Variants in SHLD3 observed in about 807,000 individuals in gnomAD.
The protein encoded by SHLD3 is shieldin complex subunit 3.
Under a neutral mutation model 21.4 loss-of-function variants are expected in SHLD3, and 15 were observed. The ratio of observed to expected loss-of-function variants is 0.70; its 90% confidence interval spans 0.47 to 1.08. The LOEUF is 1.08. SHLD3 is among the 50% of genes least tolerant of loss of function. The probability of loss-of-function intolerance (pLI) is 0.00; values close to 1 mark genes in which losing one functional copy is unlikely to be tolerated. For missense variants in SHLD3, 273 were observed against 286.1 expected, an observed-to-expected ratio of 0.95 and a Z score of 0.33; for synonymous variants, 103 against 97.2, an observed-to-expected ratio of 1.06 and a Z score of -0.35.
Position 65,630,229 on chromosome 5 carries a change from C to G in SHLD3, c.642C>G (p.Phe214Leu), listed in dbSNP as rs984081491. The G allele has an allele frequency of 6.5e-7, 1 of 1,535,774 alleles. No individual in the cohort carries two copies. The highest frequency in any genetic ancestry group is 1.4e-5 in the African/African-American group (1 of 73,098). ...IQRHLGQIWV[F>L]CDIMYCEYVG... ...GGCATTTAGGCCAAATATGGGTGTT[C>G]TGTGATATTATGTATTGTGAATATG... Residue 214 changes from phenylalanine to leucine, a missense_variant, in exon 2 of 2, where the codon TTC becomes TTG. By Grantham distance (22) the Phe-to-Leu change is conservative (BLOSUM62 0). Coordinates refer to ENST00000510585, the MANE Select transcript of SHLD3 (RefSeq NM_001365341.2).
rs1561760331 is a variant in SHLD3 at position 65,628,637 on chromosome 5, A to AT, written c.-120-825dup. ...CAGGCACACGCCACCACAGCCGGCT[A>AT]TTTTTTGTATCTTTAGTAGAGCCGG... On this transcript the variant is annotated intron_variant, in intron 1 of 1. Transcript: ENST00000510585. 3.3e-5 allele frequency among the ~76,000 whole-genome samples: 5 copies of AT among 151,586 alleles called. No individual in the cohort carries two copies. The South Asian group carries it at 6.2e-4, about 19-fold the overall frequency.
intron 1 of SHLD3, among the ~76,000 whole-genome samples, chr5:65,628,601 A>G (rs1454190209): frequency 1.3e-5 from 2 of 151,726 alleles, no homozygotes; most frequent in Non-Finnish European, 2.9e-5. Context: ...CCTCCTGAGT[A>G]GCTGGGATTA....
At position 65,630,662 on chromosome 5, in the gene SHLD3, C is replaced by T. The variant is rs1755507281; in HGVS notation, c.*322C>T. 9.9e-7 allele frequency: 1 copy of T among 1,009,110 alleles called. No individual in the cohort carries two copies. The highest frequency in any genetic ancestry group is 5.5e-5 in the Admixed American group (1 of 18,340). 62.5% of individuals were successfully genotyped at this position (1,009,110 alleles called of 1,614,324 possible). On this transcript the variant is annotated 3_prime_UTR_variant, in exon 2 of 2. Transcript: ENST00000510585. ...TAATTTTACTGTATTTTTTTCCTTA[C>T]CTCAAGTGTAATTTTTTAAAAAATA... is the stretch of plus-strand genomic sequence containing the variant.
chr5:65,630,572 A>G lies in SHLD3; in HGVS notation c.*232A>G, dbSNP rs577667641. On this transcript the variant is annotated 3_prime_UTR_variant, in exon 2 of 2. Transcript: ENST00000510585. ...AAAAATGTTCTGTTCCTTTTGTTAC[A>G]AACTGTGATTGAATTAGTCATGAAT... The G allele has an allele frequency of 1.0e-5, 12 of 1,177,172 alleles. No homozygotes were observed. The East Asian group carries it at 4.9e-4, about 48-fold the overall frequency. The allele number at this position is 1,177,172 out of a possible 1,614,324, so 72.9% of individuals were successfully genotyped here.
intron 1 of SHLD3, 92 bp downstream of exon 1, chr5:65,625,198 A>C (rs1755152396): frequency 1.9e-6 from 2 of 1,073,934 alleles, no homozygotes; most frequent in South Asian, 2.5e-5. Flanking sequence ...TCCTTCTTAA[A>C]CACTCAGTGC....
In SHLD3 at chr5:65,629,663, G is replaced by A. The variant is rs1755439454; in HGVS notation, c.76G>A (p.Ala26Thr). The change falls in exon 2 of 2, where the codon GCA (alanine) becomes ACA (threonine). Residue 26 changes from alanine (A) to threonine (T), a missense_variant. Transcript: ENST00000510585. The stretch of plus-strand genomic sequence containing the variant: ...ACAACTGCCAAAAATTGCAGAAAAA[G>A]CAATTCAAGACTTTCCTACTCGTCC... The part of the protein sequence containing the change: ...PTQLPKIAEK[A>T]IQDFPTRPLS... 10 of 1,535,956 alleles carry A rather than the reference G, an allele frequency of 6.5e-6. No homozygotes were observed. The highest frequency in any genetic ancestry group is 7.8e-6 in the Non-Finnish European group (9 of 1,146,872).
In SHLD3 at chr5:65,630,110, A is replaced by G. The variant is rs1289674535; in HGVS notation, c.523A>G (p.Ile175Val). 4.6e-6 allele frequency: 7 copies of G among 1,535,958 alleles called. No homozygotes were observed. Among genetic ancestry groups the G allele is most frequent in the African/African-American group, 1.4e-5 (1 of 73,052 alleles). The change falls in exon 2 of 2, where the codon ATT (isoleucine) becomes GTT (valine). Residue 175 changes from isoleucine (I) to valine (V), a missense_variant. Physicochemically the swap from Ile to Val is conservative, Grantham distance 29. Transcript: ENST00000510585. ...AGCAAGATGGACAATAGAACACACTATTTGTAACAGCCAAACTCTGGAAGA... is the reference window on the plus strand; with the variant it reads ...AGCAAGATGGACAATAGAACACACTGTTTGTAACAGCCAAACTCTGGAAGA... ...YRARWTIEHT[I>V]CNSQTLEDIW... is the part of the protein sequence containing the mutation.
chr5:65,628,749 G>A (rs1755374392), intron 1 of SHLD3, among the ~76,000 whole-genome samples: 1 of 151,870 alleles, frequency 6.6e-6, no homozygotes, highest in South Asian at 2.1e-4. Flanking sequence ...GGGATTACAG[G>A]CATGAGCCAC....
Position 65,630,369 on chromosome 5 carries a change from T to C in SHLD3, c.*29T>C, listed in dbSNP as rs1006243257. 6 of 1,457,510 alleles carry C rather than the reference T, an allele frequency of 4.1e-6. No individual in the cohort carries two copies. The African/African-American group carries it at 7.1e-5, about 17-fold the overall frequency. The allele number at this position is 1,457,510 out of a possible 1,614,324, so 90.3% of individuals were successfully genotyped here. On this transcript the variant is annotated 3_prime_UTR_variant, in exon 2 of 2. Transcript: ENST00000510585. ...ATTCCACTGATTGTCAAAAAGAATA[T>C]TCTGAATGAAATGAATATGGATTGA...
chr5:65,626,984 A>G (rs1581202387), intron 1 of SHLD3, among the ~76,000 whole-genome samples: 1 of 151,860 alleles, frequency 6.6e-6, no homozygotes, highest in East Asian at 2.0e-4. Context: ...TACCAAAAAT[A>G]CAAAAATTAG....
rs867194204 is a variant in SHLD3 at position 65,625,080 on chromosome 5, AACAGGAGC to A, written c.-144_-137del. 1 of 1,613,794 alleles carries A rather than the reference AACAGGAGC, an allele frequency of 6.2e-7. No homozygotes were observed. Among genetic ancestry groups the A allele is most frequent in the Non-Finnish European group, 8.5e-7 (1 of 1,179,754 alleles). ...GTCAAAATGGAAGTGAATCCCCCTA[AACAGGAGC>A]ACCTGCTGGCGCTAAAAGGTAAACT... On this transcript the variant is annotated 5_prime_UTR_variant, in exon 1 of 2. The change abolishes the stop of an existing upstream ORF in the 5' untranslated region. Coordinates refer to ENST00000510585, the MANE Select transcript of SHLD3 (RefSeq NM_001365341.2).
At chr5:65,628,408 A>G (rs948777701) in intron 1 of SHLD3, among the ~76,000 whole-genome samples, 1 of 152,104 alleles carries the variant, frequency 6.6e-6, no homozygotes, top group Non-Finnish European at 1.5e-5. Context: ...ACAGAGAATG[A>G]CGTGAAATCA....
rs539051794 is a variant in SHLD3, at chr5:65,630,604, G to T, written c.*264G>T. 1.1e-4 allele frequency: 119 copies of T among 1,088,240 alleles called. 2 individuals are homozygous for T. In the South Asian group the frequency reaches 4.0e-3, roughly 37 times the overall value. 67.4% of individuals were successfully genotyped at this position (1,088,240 alleles called of 1,614,324 possible). A position where few individuals can be genotyped will look rare whatever the true frequency, so the allele number is the denominator to read the frequency against. ...GATTGAATTAGTCATGAATTAAGTT[G>T]TATAGTTTGGATTTTGGTTAATCTC... On this transcript the variant is annotated 3_prime_UTR_variant, in exon 2 of 2. Coordinates refer to ENST00000510585, the MANE Select transcript of SHLD3 (RefSeq NM_001365341.2).
intron 1 of SHLD3, among the ~76,000 whole-genome samples, chr5:65,628,150 T>C (rs761418123): frequency 5.3e-5 from 8 of 152,212 alleles, no homozygotes; most frequent in Non-Finnish European, 1.0e-4. Flanking sequence ...CTATGCACCA[T>C]ATGCTGGAAT....
intron 1 of SHLD3, 26 bp from the exon 2 acceptor site, chr5:65,629,442 T>G (rs1755423402): frequency 1.4e-6 from 2 of 1,398,150 alleles, no homozygotes; most frequent in Non-Finnish European, 1.9e-6. Flanking sequence ...TACCATATCT[T>G]ATTCTTTGCA....
Position 65,630,759 on chromosome 5 carries a change from A to G in SHLD3, c.*419A>G, listed in dbSNP as rs55920739. 1,333 of 767,978 alleles carry G rather than the reference A, an allele frequency of 1.7e-3. 11 individuals carry two copies. The African/African-American group carries it at 0.021, about 12-fold the overall frequency. 47.6% of individuals were successfully genotyped at this position (767,978 alleles called of 1,614,324 possible). A position where few individuals can be genotyped will look rare whatever the true frequency, so the allele number is the denominator to read the frequency against. On this transcript the variant is annotated 3_prime_UTR_variant, in exon 2 of 2. Coordinates refer to ENST00000510585, the MANE Select transcript of SHLD3 (RefSeq NM_001365341.2). ...GTAGTTCAAAGTGGGAGACTAGTCTAGATTTATAATGATGTTTCCAAAGAT... is the reference window on the plus strand; with the variant it reads ...GTAGTTCAAAGTGGGAGACTAGTCTGGATTTATAATGATGTTTCCAAAGAT...
chr5:65,630,089 A>G lies in SHLD3; in HGVS notation c.502A>G (p.Arg168Gly), dbSNP rs1755464205. 6.5e-7 allele frequency: 1 copy of G among 1,536,012 alleles called. No individual in the cohort carries two copies. The highest frequency in any genetic ancestry group is 8.7e-7 in the Non-Finnish European group (1 of 1,146,896). Residue 168 changes from arginine (R) to glycine (G), a missense_variant, in exon 2 of 2, where the codon AGA becomes GGA. Coordinates refer to ENST00000510585, the MANE Select transcript of SHLD3 (RefSeq NM_001365341.2). ...ALNLHSLYRA[R>G]WTIEHTICNS... ...AAATTTACACTCACTTTATAGAGCA[A>G]GATGGACAATAGAACACACTATTTG...
At position 65,630,849 on chromosome 5, in the gene SHLD3, A is replaced by G. The variant is rs1047482471; in HGVS notation, c.*509A>G. The G allele has an allele frequency of 4.8e-6, 1 of 208,846 alleles. No individual in the cohort carries two copies. Among genetic ancestry groups the G allele is most frequent in the Non-Finnish European group, 8.4e-6 (1 of 119,608 alleles). 12.9% of individuals were successfully genotyped at this position (208,846 alleles called of 1,614,324 possible). On this transcript the variant is annotated 3_prime_UTR_variant, in exon 2 of 2. Transcript: ENST00000510585. ...CAAAATGTATACTTTGCCTAAAACG[A>G]TAATGTATCCTGTTTTGAAGGAAAG... is the stretch of plus-strand genomic sequence containing the variant.
rs946664645 is a variant in SHLD3, at chr5:65,630,240, T to C, written c.653T>C (p.Met218Thr). ...CAAATATGGGTGTTCTGTGATATTA[T>C]GTATTGTGAATATGTGGGAAGTCTT... ...LGQIWVFCDI[M>T]YCEYVGSLLK... Residue 218 changes from methionine to threonine, a missense_variant, in exon 2 of 2, where the codon ATG becomes ACG. Transcript: ENST00000510585. The C allele has an allele frequency of 2.0e-6, 3 of 1,535,886 alleles. No individual in the cohort carries two copies. Among genetic ancestry groups the C allele is most frequent in the Non-Finnish European group, 8.7e-7 (1 of 1,146,776 alleles).
Sources: gnomAD v4.1 joint callset for allele counts (sites outside exome capture counted in the v4.1 genomes callset) on GRCh38, gnomAD v4.1.1 for gene constraint, MANE v1.5 for transcripts, NCBI Gene and HGNC (gene_info 2026-07-23, HGNC 2026-07-21) for gene names.